The following HOOK3 variants were observed in gnomAD, a reference collection of about 807,000 sequenced individuals.
The protein encoded by HOOK3 is hook microtubule tethering protein 3.
Under a neutral mutation model 116.3 loss-of-function variants are expected in HOOK3, and 24 were observed. The ratio of observed to expected loss-of-function variants is 0.21; its 90% CI spans 0.15 to 0.29. The LOEUF is 0.29. Among genes scored for constraint, HOOK3 ranks in the 10% least tolerant of loss-of-function variants. HOOK3 has a pLI of 1.00. For synonymous variants in HOOK3, 275 were observed against 283.0 expected (o/e 0.97, Z 0.28); for missense variants, 632 against 830.2 (o/e 0.76, Z 2.93).
chr8:42,913,416 A>G (rs1220627740), intron 2 of HOOK3, among the ~76,000 whole-genome samples: 1 of 152,192 alleles, frequency 6.6e-6, no homozygotes, highest in South Asian at 2.1e-4. Context: ...CTCTTCTTTC[A>G]TGTAGTATAA....
intron 10 of HOOK3, among the ~76,000 whole-genome samples, chr8:42,967,055 C>G (rs1230722137): frequency 6.6e-6 from 1 of 152,004 alleles, no homozygotes; most frequent in East Asian, 1.9e-4. Flanking sequence ...TGTACAGTCT[C>G]CTATCCTCTG....
rs531090256 is a variant in HOOK3, at chr8:42,990,119, C to CT, written c.1532+3325dup. ...TCAAACTGTCCTTCCATGTCAGCCT[C>CT]TAAGTAGCTGGAACTATAGGTACAC... is the stretch of plus-strand genomic sequence containing the variant. On this transcript the variant is annotated intron_variant, in intron 15 of 21. Coordinates refer to ENST00000307602, the MANE Select transcript of HOOK3 (RefSeq NM_032410.4). 3.9e-5 allele frequency among the ~76,000 whole-genome samples: 6 copies of CT among 152,050 alleles called. No individual in the cohort carries two copies. The East Asian group carries it at 1.2e-3, about 29-fold the overall frequency.
At chr8:42,898,312 T>A (rs1807096668) in intron 1 of HOOK3, among the ~76,000 whole-genome samples, 1 of 152,248 alleles carries the variant, frequency 6.6e-6, no homozygotes, top group Non-Finnish European at 1.5e-5. Flanking sequence ...GAGTAGCCAG[T>A]TGCATATCAG....
chr8:42,931,729 C>T (rs1674458857), intron 4 of HOOK3, among the ~76,000 whole-genome samples: 1 of 151,502 alleles, frequency 6.6e-6, no homozygotes, highest in African/African-American at 2.4e-5. Context: ...ACCGCACCTT[C>T]CCTTCCCTTC....
intron 2 of HOOK3, among the ~76,000 whole-genome samples, chr8:42,918,988 G>C (rs1288810384): frequency 6.6e-6 from 1 of 151,592 alleles, no homozygotes; most frequent in East Asian, 2.0e-4. Flanking sequence ...TTCCCAGACG[G>C]GGCGGCCGGG....
At chr8:42,906,499 T>C (rs1807313944) in intron 2 of HOOK3, among the ~76,000 whole-genome samples, 1 of 152,208 alleles carries the variant, frequency 6.6e-6, no homozygotes, top group South Asian at 2.1e-4. Flanking sequence ...TTTTTTGGCA[T>C]ATGCTTGGCA....
At position 42,943,376 on chromosome 8, in the gene HOOK3, G is replaced by C; in HGVS notation, c.331G>C (p.Asp111His). 6.4e-7 allele frequency: 1 copy of C among 1,569,330 alleles called. No homozygotes were observed. Among genetic ancestry groups the C allele is most frequent in the Non-Finnish European group, 8.6e-7 (1 of 1,156,242 alleles). ...PDVNLIGEHS[D>H]AAELGRMLQL... ...TGTGAACCTTATTGGGGAGCATTCTGATGCAGCAGAGCTTGGAAGGATGCT... is the reference window on the plus strand; with the variant it reads ...TGTGAACCTTATTGGGGAGCATTCTCATGCAGCAGAGCTTGGAAGGATGCT... The change falls in exon 5 of 22, where the codon GAT becomes CAT. Residue 111 changes from aspartate (D) to histidine (H), a missense_variant. Physicochemically the swap from Asp to His is moderately conservative, Grantham distance 81. Coordinates refer to ENST00000307602, the MANE Select transcript of HOOK3 (RefSeq NM_032410.4).
chr8:42,979,034 G>C (rs577687828), intron 13 of HOOK3, among the ~76,000 whole-genome samples: 2 of 152,176 alleles, frequency 1.3e-5, no homozygotes, highest in African/African-American at 4.8e-5. Flanking sequence ...AAGGAAGGAA[G>C]ATTTCTTGAG....
At chr8:43,008,398 T>A (rs1809535273) in intron 18 of HOOK3, among the ~76,000 whole-genome samples, 1 of 151,900 alleles carries the variant, frequency 6.6e-6, no homozygotes, top group African/African-American at 2.4e-5. Context: ...ACTGCAGCAG[T>A]CTTGACCTCC....
intron 11 of HOOK3, among the ~76,000 whole-genome samples, chr8:42,969,314 G>A (rs890598879): frequency 6.6e-6 from 1 of 152,148 alleles, no homozygotes; most frequent in African/African-American, 2.4e-5. Context: ...ATCATCACCA[G>A]CACACAGTAT....
chr8:42,919,582 C>G (rs1807610025), intron 2 of HOOK3, among the ~76,000 whole-genome samples: 1 of 152,178 alleles, frequency 6.6e-6, no homozygotes, highest in African/African-American at 2.4e-5. Context: ...TTTGGGTGGC[C>G]AAGGCAGGCG....
intron 3 of HOOK3, among the ~76,000 whole-genome samples, chr8:42,927,616 C>CT (rs1160639755): frequency 1.3e-5 from 2 of 151,468 alleles, no homozygotes; most frequent in African/African-American, 4.9e-5. Context: ...TTTTTATTTA[C>CT]TTTTTTTTGA....
At chr8:42,927,242 C>CTGGTTTTTTTTT (rs1807784278) in intron 3 of HOOK3, among the ~76,000 whole-genome samples, 1 of 137,840 alleles carries the variant, frequency 7.3e-6, no homozygotes, top group African/African-American at 2.9e-5. Context: ...TTTAATGGCA[C>CTGGTTTTTTTTT]TGGTTTTTTT....
chr8:42,919,835 G>A (rs987481460), intron 2 of HOOK3, among the ~76,000 whole-genome samples: 3 of 152,152 alleles, frequency 2.0e-5, no homozygotes, highest in African/African-American at 4.8e-5. Context: ...CCAGGCACTC[G>A]GCAGGCTGAG....
At chr8:42,906,029 G>A (rs1807299249) in intron 1 of HOOK3, 144 bp from the exon 2 acceptor site, 4 of 656,100 alleles carry the variant, frequency 6.1e-6, no homozygotes, top group Non-Finnish European at 2.7e-6. Flanking sequence ...GGAGGTTGCA[G>A]TGAGCCAAGA....
chr8:43,011,202 C>T (rs1809605002), intron 19 of HOOK3, among the ~76,000 whole-genome samples: 1 of 152,008 alleles, frequency 6.6e-6, no homozygotes, highest in Non-Finnish European at 1.5e-5. Flanking sequence ...ACTGTGTTAG[C>T]CAGGATGGGC....
intron 19 of HOOK3, among the ~76,000 whole-genome samples, chr8:43,011,277 G>A (rs1032796770): frequency 2.0e-5 from 3 of 152,130 alleles, no homozygotes; most frequent in Non-Finnish European, 4.4e-5. Flanking sequence ...ACAGGTGTGA[G>A]CCACCGTGCC....
At chr8:42,956,258 G>GTGTGTGTGTGTGTGTGTGTGTGTGTC (rs1808434049) in intron 6 of HOOK3, among the ~76,000 whole-genome samples, 1 of 150,986 alleles carries the variant, frequency 6.6e-6, no homozygotes, top group South Asian at 2.1e-4. Context: ...GTGTGTGTGT[G>GTGTGTGTGTGTGTGTGTGTGTGTGTC]TGTGTGTTAT....
chr8:43,001,216 ATT>A (rs1809374893), intron 16 of HOOK3: 2 of 152,052 alleles, frequency 1.3e-5, no homozygotes, highest in South Asian at 4.1e-4. Flanking sequence ...TAGTTAACAT[ATT>A]GAGGAAAGAA....
Sources: gnomAD v4.1 joint callset for allele counts (sites outside exome capture counted in the v4.1 genomes callset) on GRCh38, gnomAD v4.1.1 for gene constraint, MANE v1.5 for transcripts, NCBI Gene and HGNC (gene_info 2026-07-23, HGNC 2026-07-21) for gene names.